FMN1: variants seen among roughly 807,000 people sequenced by gnomAD.
FMN1 encodes formin 1.
FMN1 carries 110 observed loss-of-function variants against 132.4 expected under a neutral mutation model. The ratio of observed to expected loss-of-function variants is 0.83; its 90% confidence interval spans 0.71 to 0.97. FMN1 has a LOEUF of 0.97. Among genes scored for constraint, FMN1 ranks in the 50% least tolerant of loss-of-function variants. FMN1 has a pLI of 0.00. For missense variants in FMN1, 1,792 were observed against 1,705.3 expected, an observed-to-expected ratio of 1.05 and a Z score of -0.90; for synonymous variants, 722 against 651.7, an observed-to-expected ratio of 1.11 and a Z score of -1.64.
Position 32,969,017 on chromosome 15 carries a change from G to T in FMN1, c.2684C>A (p.Pro895Gln). ...LGSLSPAPPM[P>Q]PVSAGPPLPP... ...TAGCGGTGGCCCAGCACTCACAGGT[G>T]GCATTGGAGGTGCGGGAGACAAAGA... The change falls in exon 8 of 21, where the codon CCA becomes CAA. Residue 895 changes from proline to glutamine, a missense_variant. Physicochemically the swap from Pro to Gln is moderately conservative, Grantham distance 76. This residue lies in a region of FMN1 where 1,150 missense variants were observed against 1,043.1 expected (regional missense o/e 1.10). Transcript: ENST00000616417. 7.8e-7 allele frequency: 1 copy of T among 1,287,866 alleles called. No homozygotes were observed. Among genetic ancestry groups the T allele is most frequent in the Non-Finnish European group, 1.1e-6 (1 of 923,914 alleles). The allele number at this position is 1,287,866 out of a possible 1,614,324, so 79.8% of individuals were successfully genotyped here.
At chr15:32,958,587 T>C (rs1440352194) in intron 9 of FMN1, among the ~76,000 whole-genome samples, 1 of 152,084 alleles carries the variant, frequency 6.6e-6, no homozygotes, top group Non-Finnish European at 1.5e-5. Flanking sequence ...CATACATACA[T>C]ACATGCTTAA....
At chr15:32,841,359 T>G (rs2058742036) in intron 17 of FMN1, among the ~76,000 whole-genome samples, 1 of 152,232 alleles carries the variant, frequency 6.6e-6, no homozygotes, top group African/African-American at 2.4e-5. Flanking sequence ...TATTTCAGAT[T>G]GATCCACCTG....
At chr15:32,913,169 T>G (rs532965736) in intron 10 of FMN1, among the ~76,000 whole-genome samples, 1 of 152,108 alleles carries the variant, frequency 6.6e-6, no homozygotes, top group East Asian at 1.9e-4. Flanking sequence ...GAAAGCATTA[T>G]TAACAGGAAA....
intron 10 of FMN1, among the ~76,000 whole-genome samples, chr15:32,925,333 A>G (rs2060933239): frequency 1.3e-5 from 2 of 152,220 alleles, no homozygotes. Flanking sequence ...ACTAAATATT[A>G]TGCACTTCTT....
chr15:33,193,382 A>G (rs1966145327), intron 2 of FMN1, among the ~76,000 whole-genome samples: 1 of 152,206 alleles, frequency 6.6e-6, no homozygotes, highest in African/African-American at 2.4e-5. Flanking sequence ...TACCTGGTGT[A>G]GAGAACAGAA....
At chr15:33,184,012 A>C (rs1965793596) in intron 2 of FMN1, among the ~76,000 whole-genome samples, 1 of 152,202 alleles carries the variant, frequency 6.6e-6, no homozygotes, top group African/African-American at 2.4e-5. Flanking sequence ...ATATATCTTG[A>C]AATAAGGTAA....
chr15:33,123,418 G>C (rs1309919409), intron 4 of FMN1, among the ~76,000 whole-genome samples: 1 of 152,158 alleles, frequency 6.6e-6, no homozygotes, highest in Non-Finnish European at 1.5e-5. Flanking sequence ...AACAATGTTT[G>C]TTGAATGAAT....
chr15:33,139,839 C>A (rs1963933014), intron 4 of FMN1, among the ~76,000 whole-genome samples: 1 of 152,072 alleles, frequency 6.6e-6, no homozygotes. Context: ...TCCTTTTCAT[C>A]TTTACTATTT....
chr15:33,140,068 T>C (rs1488996267), intron 4 of FMN1, among the ~76,000 whole-genome samples: 4 of 152,146 alleles, frequency 2.6e-5, no homozygotes, highest in African/African-American at 9.7e-5. Flanking sequence ...TTTATTTCAC[T>C]TTTTTAGGAT....
intron 4 of FMN1, among the ~76,000 whole-genome samples, chr15:33,138,321 C>T (rs1257165543): frequency 6.6e-6 from 1 of 152,152 alleles, no homozygotes; most frequent in African/African-American, 2.4e-5. Context: ...CTCTTGGCTC[C>T]TGGGCTCTGC....
At chr15:33,034,211 T>C (rs1165835029) in intron 6 of FMN1, among the ~76,000 whole-genome samples, 1 of 152,076 alleles carries the variant, frequency 6.6e-6, no homozygotes, top group Admixed American at 6.5e-5. Flanking sequence ...GTTTAACATA[T>C]CAGAAATGAT....
At position 32,924,057 on chromosome 15, in the gene FMN1, T is replaced by C. The variant is rs117345925; in HGVS notation, c.3226+2117A>G. Among the ~76,000 whole-genome samples, 1,283 of 152,312 alleles carry C rather than the reference T, an allele frequency of 8.4e-3. 10 individuals are homozygous for C. Among genetic ancestry groups the C allele is most frequent in the Non-Finnish European group, 0.016 (1,058 of 68,030 alleles). ...GACTATAAACTCCCCTGAAAACATT[T>C]GTTTTTGTTTTTCTTTTTTTCCCTC... On this transcript the variant is annotated intron_variant, in intron 10 of 20. Coordinates refer to ENST00000616417, the MANE Select transcript of FMN1 (RefSeq NM_001277313.2).
At chr15:33,030,865 C>T (rs1455262465) in intron 6 of FMN1, among the ~76,000 whole-genome samples, 1 of 152,008 alleles carries the variant, frequency 6.6e-6, no homozygotes, top group Non-Finnish European at 1.5e-5. Context: ...AACACATGTA[C>T]AGAATGTGCA....
intron 4 of FMN1, among the ~76,000 whole-genome samples, chr15:33,116,178 A>G (rs370262103): frequency 6.6e-6 from 1 of 152,228 alleles, no homozygotes; most frequent in East Asian, 1.9e-4. Flanking sequence ...CCATTTATAC[A>G]GAAAAAAGAT....
intron 4 of FMN1, among the ~76,000 whole-genome samples, chr15:33,089,223 C>T (rs1045952643): frequency 6.6e-6 from 1 of 152,192 alleles, no homozygotes; most frequent in Non-Finnish European, 1.5e-5. Flanking sequence ...GCCCCATATT[C>T]TTGCTTACAG....
intron 2 of FMN1, among the ~76,000 whole-genome samples, chr15:33,189,504 C>G (rs1966000404): frequency 6.6e-6 from 1 of 151,956 alleles, no homozygotes; most frequent in Non-Finnish European, 1.5e-5. Context: ...ATATTCATAC[C>G]CAGCATACTG....
At chr15:32,922,562 G>C (rs1453723326) in intron 10 of FMN1, among the ~76,000 whole-genome samples, 2 of 151,810 alleles carry the variant, frequency 1.3e-5, no homozygotes, top group African/African-American at 4.9e-5. Flanking sequence ...ACAGAGAAGT[G>C]CTCCTCTTAC....
At chr15:32,998,206 G>T (rs2033891986) in intron 7 of FMN1, among the ~76,000 whole-genome samples, 1 of 152,186 alleles carries the variant, frequency 6.6e-6, no homozygotes, top group East Asian at 1.9e-4. Context: ...ACAAATTTAA[G>T]AATTCTGCAG....
rs559156618 is a variant in FMN1, at chr15:33,175,874, C to A, written c.-132+4324G>T. ...TATTATTGTCAAAGTTGAACTGAGG[C>A]TACAATGCCTCAAAATTCCATAATG... On this transcript the variant is annotated intron_variant, in intron 3 of 20. Transcript: ENST00000616417. Among the ~76,000 whole-genome samples the A allele has an allele frequency of 3.9e-5, 6 of 152,300 alleles. 1 individual carries two copies. The South Asian group carries it at 1.2e-3, about 32-fold the overall frequency.
Sources: allele counts gnomAD v4.1 joint callset (sites outside exome capture counted in the v4.1 genomes callset), GRCh38; gene constraint gnomAD v4.1.1; regional missense constraint gnomAD v4.1.1; transcripts MANE v1.5; gene names NCBI Gene and HGNC (gene_info 2026-07-23, HGNC 2026-07-21).